Variants in HIVEP3 observed in about 807,000 individuals in gnomAD.
HIVEP3 encodes the protein HIVEP zinc finger 3.
A neutral mutation model predicts 152.8 loss-of-function variants in HIVEP3; 49 were observed. That is an observed-to-expected ratio of 0.32 (90% confidence interval 0.26 to 0.41). The LOEUF (loss-of-function observed/expected upper bound fraction) is 0.41. Ranked by LOEUF, HIVEP3 falls within the 10% of genes least tolerant of loss-of-function variation. The pLI is 1.00. For missense variants in HIVEP3, 2,790 were observed against 3,103.3 expected (o/e 0.90, Z 2.40); for synonymous variants, 1,269 against 1,289.0 (o/e 0.98, Z 0.33).
At chr1:41,733,545 GTGGAGTTAGAAC>G (rs1646873499) in intron 1 of HIVEP3, among the ~76,000 whole-genome samples, 1 of 152,244 alleles carries the variant, frequency 6.6e-6, no homozygotes, top group East Asian at 1.9e-4. Flanking sequence ...AGAGTTGGTG[GTGGAGTTAGAAC>G]TGGAAGCCAG....
intron 1 of HIVEP3, among the ~76,000 whole-genome samples, chr1:41,777,282 A>AG (rs1648762542): frequency 6.6e-6 from 1 of 152,206 alleles, no homozygotes; most frequent in Non-Finnish European, 1.5e-5. Flanking sequence ...CCAGGAACAA[A>AG]GCGGGGACTC....
At chr1:41,961,216 G>A (rs967126959) in intron 1 of HIVEP3, among the ~76,000 whole-genome samples, 1 of 152,086 alleles carries the variant, frequency 6.6e-6, no homozygotes, top group Non-Finnish European at 1.5e-5. Context: ...GAGATACCTG[G>A]GCAGCTCCCT....
chr1:41,928,494 GA>G (rs1467318042), intron 1 of HIVEP3, among the ~76,000 whole-genome samples: 3 of 152,114 alleles, frequency 2.0e-5, no homozygotes, highest in African/African-American at 7.2e-5. Flanking sequence ...TTAAAACTAG[GA>G]AATTGAGATT....
chr1:41,683,048 T>C (rs1278863099), intron 2 of HIVEP3, among the ~76,000 whole-genome samples: 5 of 152,110 alleles, frequency 3.3e-5, no homozygotes, highest in African/African-American at 9.7e-5. Context: ...TGAGAGGAAG[T>C]GGGTGGTTCA....
At chr1:41,753,923 G>C (rs1033902670) in intron 1 of HIVEP3, among the ~76,000 whole-genome samples, 1 of 152,086 alleles carries the variant, frequency 6.6e-6, no homozygotes, top group African/African-American at 2.4e-5. Context: ...ATCCGTTGTG[G>C]GTCAGCGGGT....
chr1:41,561,358 C>T (rs1644059302), intron 5 of HIVEP3, among the ~76,000 whole-genome samples: 2 of 152,202 alleles, frequency 1.3e-5, no homozygotes. Context: ...CTCCACGGCT[C>T]ACACCACATG....
chr1:41,582,364 G>A lies in HIVEP3; in HGVS notation c.2434C>T (p.Leu812Phe), dbSNP rs973279675. The A allele has an allele frequency of 1.5e-5, 24 of 1,614,182 alleles. No homozygotes were observed. Among genetic ancestry groups the A allele is most frequent in the Non-Finnish European group, 2.0e-5 (24 of 1,180,008 alleles). ...CCTTCCAAGCCACTCGGCTGCTCGA[G>A]AGAATCAGATTTCTCAAAGGAGCTG... is the stretch of plus-strand genomic sequence containing the variant. ...HTSSFEKSDS[L>F]EQPSGLEGED... The change falls in exon 4 of 9, where the codon CTC (leucine) becomes TTC (phenylalanine). Residue 812 changes from leucine to phenylalanine, a missense_variant. Around this residue, in one of 9 missense-constraint regions of HIVEP3, gnomAD observed 1,078 missense variants for 1,165.3 expected, o/e 0.93. Transcript: ENST00000372583. This position sits in a 1 kb window ranked among gnomAD's most constrained non-coding sequence, Gnocchi z 4.7.
At chr1:41,858,641 T>C (rs1450358364) in intron 1 of HIVEP3, among the ~76,000 whole-genome samples, 1 of 152,166 alleles carries the variant, frequency 6.6e-6, no homozygotes, top group Non-Finnish European at 1.5e-5. Flanking sequence ...GTGAACCACA[T>C]GGACAAGGAT....
chr1:41,560,500 A>T (rs1290084418), intron 5 of HIVEP3, among the ~76,000 whole-genome samples: 1 of 152,188 alleles, frequency 6.6e-6, no homozygotes, highest in Non-Finnish European at 1.5e-5. Context: ...CTCCACCCAC[A>T]GAGCAGGGAA....
At chr1:41,514,821 C>T (rs997516137) in intron 7 of HIVEP3, among the ~76,000 whole-genome samples, 10 of 152,210 alleles carry the variant, frequency 6.6e-5, no homozygotes, top group African/African-American at 2.4e-4. Context: ...AGGTCACTTG[C>T]ACTCCTTAAA....
intron 2 of HIVEP3, among the ~76,000 whole-genome samples, chr1:41,636,779 T>G (rs571382968): frequency 9.9e-5 from 15 of 152,238 alleles, no homozygotes; most frequent in Non-Finnish European, 1.2e-4. Flanking sequence ...TCCAACATGG[T>G]GAAACCCCGT....
intron 1 of HIVEP3, among the ~76,000 whole-genome samples, chr1:41,889,065 C>T (rs755271819): frequency 1.3e-5 from 2 of 149,152 alleles, no homozygotes; most frequent in Non-Finnish European, 3.0e-5. Flanking sequence ...ACAACACATA[C>T]ACCACACACA....
intron 3 of HIVEP3, among the ~76,000 whole-genome samples, chr1:41,600,636 TG>T (rs1328401874): frequency 1.3e-5 from 2 of 152,222 alleles, no homozygotes; most frequent in African/African-American, 4.8e-5. Flanking sequence ...TGCGCAGCAA[TG>T]TGACTGCTTA....
At chr1:41,859,275 AAAG>A (rs1479069209) in intron 1 of HIVEP3, among the ~76,000 whole-genome samples, 1 of 152,222 alleles carries the variant, frequency 6.6e-6, no homozygotes, top group Admixed American at 6.5e-5. Context: ...CAGCCTATAG[AAAG>A]AACTCAATGA....
chr1:41,695,852 T>G (rs1301141439), intron 2 of HIVEP3, among the ~76,000 whole-genome samples: 2 of 152,206 alleles, frequency 1.3e-5, no homozygotes, highest in African/African-American at 2.4e-5. Flanking sequence ...AATCCCAACG[T>G]AAGGAATCAC....
At chr1:42,020,151 T>C (rs1645545519) in intron 1 of HIVEP3, among the ~76,000 whole-genome samples, 1 of 152,102 alleles carries the variant, frequency 6.6e-6, no homozygotes, top group African/African-American at 2.4e-5. Flanking sequence ...GAGAGTTTGG[T>C]CTTTAATTTT....
At chr1:41,542,234 G>A (rs1392513905) in intron 5 of HIVEP3, 1 of 152,236 alleles carries the variant, frequency 6.6e-6, no homozygotes, top group Non-Finnish European at 1.5e-5. Context: ...GCAATATTGG[G>A]ACCAGTTGAT....
At chr1:41,718,314 G>A (rs1172470728) in intron 1 of HIVEP3, among the ~76,000 whole-genome samples, 3 of 152,200 alleles carry the variant, frequency 2.0e-5, no homozygotes, top group African/African-American at 7.2e-5. Context: ...ACTGGCCGTG[G>A]GTCTGTACCC....
intron 1 of HIVEP3, among the ~76,000 whole-genome samples, chr1:41,939,849 G>A (rs1054734727): frequency 6.6e-6 from 1 of 152,006 alleles, no homozygotes; most frequent in Admixed American, 6.5e-5. Context: ...CTAAATATAT[G>A]TCTTCCCTCT....
Sources: allele counts gnomAD v4.1 joint callset (sites outside exome capture counted in the v4.1 genomes callset), GRCh38; gene constraint gnomAD v4.1.1; regional missense constraint gnomAD v4.1.1; non-coding constraint Gnocchi (gnomAD v3.1); transcripts MANE v1.5; gene names NCBI Gene and HGNC (gene_info 2026-07-23, HGNC 2026-07-21).